Variants in CYP2J2 observed in about 807,000 individuals in gnomAD.
CYP2J2 encodes the protein cytochrome P450 2J2.
A neutral mutation model predicts 48.8 loss-of-function variants in CYP2J2; 41 were observed. The ratio of observed to expected loss-of-function variants is 0.84; its 90% CI spans 0.66 to 1.09. CYP2J2 has a LOEUF of 1.09. Ranked by LOEUF, CYP2J2 falls within the 50% of genes least tolerant of loss-of-function variation. The pLI is 0.00. For missense variants in CYP2J2, 644 were observed against 617.3 expected (o/e 1.04, Z -0.46); for synonymous variants, 221 against 227.1 (o/e 0.97, Z 0.24).
intron 8 of CYP2J2, among the ~76,000 whole-genome samples, chr1:59,894,352 T>C (rs1484834619): frequency 6.6e-6 from 1 of 152,206 alleles, no homozygotes; most frequent in Non-Finnish European, 1.5e-5. Context: ...GCCCTCTGTA[T>C]TGCGACTGCT....
At chr1:59,911,355 G>T (rs923440441) in intron 4 of CYP2J2, among the ~76,000 whole-genome samples, 7 of 152,136 alleles carry the variant, frequency 4.6e-5, no homozygotes, top group Admixed American at 2.6e-4. Flanking sequence ...AACAACATAG[G>T]TGGATAGGCG....
chr1:59,905,425 A>G (rs1644356991), intron 6 of CYP2J2, among the ~76,000 whole-genome samples: 1 of 152,202 alleles, frequency 6.6e-6, no homozygotes, highest in Admixed American at 6.5e-5. Context: ...TTATAACAGT[A>G]CTACTCCCAT....
In CYP2J2 at chr1:59,900,821, C is replaced by T. The variant is rs1333043949; in HGVS notation, c.1330+144G>A. On this transcript the variant is annotated intron_variant, in intron 8 of 8. Coordinates refer to ENST00000371204, the MANE Select transcript of CYP2J2 (RefSeq NM_000775.4). ...ATGCCCAGCCTTGGAAATCCCAGGG[C>T]TGCCCCCTACAGCAAGATGGAGTGA... 1.1e-5 allele frequency: 10 copies of T among 894,134 alleles called. No homozygotes were observed. In the Admixed American group the frequency reaches 2.2e-4, roughly 20 times the overall value. 55.4% of individuals were successfully genotyped at this position (894,134 alleles called of 1,614,324 possible).
At chr1:59,896,896 A>G (rs1034771052) in intron 8 of CYP2J2, among the ~76,000 whole-genome samples, 8 of 152,264 alleles carry the variant, frequency 5.3e-5, no homozygotes, top group African/African-American at 1.9e-4. Flanking sequence ...TCTGTACATC[A>G]TAACAGATAT....
intron 6 of CYP2J2, among the ~76,000 whole-genome samples, chr1:59,906,079 G>A (rs919433129): frequency 1.8e-4 from 28 of 152,210 alleles, no homozygotes; most frequent in Admixed American, 1.7e-3. Flanking sequence ...CCAGCTACTC[G>A]GGAGGCTGAG....
At chr1:59,916,426 A>T (rs1644466449) in intron 1 of CYP2J2, among the ~76,000 whole-genome samples, 1 of 152,208 alleles carries the variant, frequency 6.6e-6, no homozygotes, top group Non-Finnish European at 1.5e-5. Context: ...CATGAGGATA[A>T]AACTGTAATA....
At chr1:59,956,025 A>G in the CYP2J2 span, among the ~76,000 whole-genome samples, 1 of 152,166 alleles carries the variant, frequency 6.6e-6, no homozygotes, top group African/African-American at 2.4e-5. Context: ...ACGCATTTAT[A>G]TATACAGAGA....
At chr1:59,927,039 T>C (rs1360080093), upstream of CYP2J2, among the ~76,000 whole-genome samples, 6 of 152,236 alleles carry the variant, frequency 3.9e-5, no homozygotes, top group Non-Finnish European at 5.9e-5. Context: ...ATTGGAACTG[T>C]GCCTGGTAAA....
the CYP2J2 span, among the ~76,000 whole-genome samples, chr1:59,959,822 C>T: frequency 6.6e-6 from 1 of 152,070 alleles, no homozygotes; most frequent in Non-Finnish European, 1.5e-5. Flanking sequence ...TATGTGTTCT[C>T]ACTTATAAGT....
chr1:59,954,182 C>A, the CYP2J2 span, among the ~76,000 whole-genome samples: 3 of 152,136 alleles, frequency 2.0e-5, no homozygotes, highest in South Asian at 2.1e-4. Context: ...ACTGCAATTA[C>A]GCAGCTCATC....
At chr1:59,963,340 C>T in the CYP2J2 span, among the ~76,000 whole-genome samples, 4 of 152,174 alleles carry the variant, frequency 2.6e-5, no homozygotes, top group African/African-American at 9.7e-5. Flanking sequence ...ACTCGTTAAG[C>T]CATAACTCCT....
intron 8 of CYP2J2, among the ~76,000 whole-genome samples, chr1:59,896,192 T>C (rs1438366898): frequency 3.3e-5 from 5 of 152,082 alleles, no homozygotes; most frequent in Admixed American, 2.6e-4. Flanking sequence ...GGCATGCTCA[T>C]TGCTCTCCAG....
chr1:59,931,037 G>T (rs191837176), upstream of CYP2J2, among the ~76,000 whole-genome samples: 602 of 151,982 alleles, frequency 4.0e-3, 3 homozygotes, highest in Admixed American at 8.8e-3. Flanking sequence ...TCCTGTCTTC[G>T]CAACAAGAAA....
the CYP2J2 span, among the ~76,000 whole-genome samples, chr1:59,960,636 A>G: frequency 6.6e-6 from 1 of 152,196 alleles, no homozygotes; most frequent in Non-Finnish European, 1.5e-5. Context: ...TGAGGTCAGG[A>G]GTTAGAAACT....
the CYP2J2 span, among the ~76,000 whole-genome samples, chr1:59,953,191 G>A: frequency 5.9e-5 from 9 of 152,104 alleles, no homozygotes; most frequent in Non-Finnish European, 1.2e-4. Context: ...GCCCAGGGAA[G>A]TTCTCTACTT....
chr1:59,952,754 T>TA, the CYP2J2 span, among the ~76,000 whole-genome samples: 1 of 152,168 alleles, frequency 6.6e-6, no homozygotes, highest in African/African-American at 2.4e-5. Context: ...ATCCAACAAA[T>TA]ATGTGTTGAG....
At position 59,924,857 on chromosome 1, in the gene CYP2J2, CAG is replaced by C. The variant is rs369809172; in HGVS notation, c.210+1678_210+1679del. Among the ~76,000 whole-genome samples, 39 of 151,580 alleles carry C rather than the reference CAG, an allele frequency of 2.6e-4. No homozygotes were observed. The East Asian group carries it at 5.8e-3, about 23-fold the overall frequency. ...TAGTCTACATTCACCAATTAAAAGA[CAG>C]AGATTGCCAGAATGAAAAAAAAGAC... On this transcript the variant is annotated intron_variant, in intron 1 of 8. Transcript: ENST00000371204.
intron 1 of CYP2J2, among the ~76,000 whole-genome samples, chr1:59,922,406 C>T (rs1345848110): frequency 6.6e-6 from 1 of 152,038 alleles, no homozygotes; most frequent in Non-Finnish European, 1.5e-5. Context: ...TAATGTTTCC[C>T]AATTGCAAGA....
chr1:59,967,680 T>C, the CYP2J2 span, among the ~76,000 whole-genome samples: 1 of 152,246 alleles, frequency 6.6e-6, no homozygotes, highest in African/African-American at 2.4e-5. Flanking sequence ...CTGCCTCCTG[T>C]GTCTCAGTTA....
Sources: gnomAD v4.1 joint callset for allele counts (sites outside exome capture counted in the v4.1 genomes callset) on GRCh38, gnomAD v4.1.1 for gene constraint, MANE v1.5 for transcripts, NCBI Gene and HGNC (gene_info 2026-07-23, HGNC 2026-07-21) for gene names.